TMEM132D: variants seen among roughly 807,000 people sequenced by gnomAD.
TMEM132D encodes the protein mature OL transmembrane protein.
In TMEM132D, 21 loss-of-function variants were observed where a neutral mutation model predicts 62.3. The observed-to-expected ratio is 0.34, with a 90% CI of 0.24 to 0.49. TMEM132D has a LOEUF of 0.49. Ranked by LOEUF, TMEM132D falls within the 20% of genes least tolerant of loss-of-function variation. The pLI, the probability that TMEM132D is intolerant of heterozygous loss-of-function variation, is 0.99. For missense variants in TMEM132D, 1,346 were observed against 1,402.8 expected, an observed-to-expected ratio of 0.96 and a Z score of 0.65; for synonymous variants, 621 against 575.6, an observed-to-expected ratio of 1.08 and a Z score of -1.13.
chr12:129,416,246 T>C (rs1481231054), intron 3 of TMEM132D, among the ~76,000 whole-genome samples: 1 of 152,226 alleles, frequency 6.6e-6, no homozygotes, highest in Non-Finnish European at 1.5e-5. Context: ...CAGTGGTTTG[T>C]AGTTCTCCTT....
At chr12:129,532,900 C>T (rs932193569) in intron 2 of TMEM132D, among the ~76,000 whole-genome samples, 1 of 152,140 alleles carries the variant, frequency 6.6e-6, no homozygotes, top group Non-Finnish European at 1.5e-5. Flanking sequence ...TTCCTGGGAG[C>T]GTGAGCCTGG....
intron 3 of TMEM132D, among the ~76,000 whole-genome samples, chr12:129,512,032 T>C (rs748889377): frequency 3.9e-5 from 6 of 152,184 alleles, no homozygotes; most frequent in African/African-American, 9.6e-5. Flanking sequence ...AATGTAGGCA[T>C]TTTTGTTCTT....
intron 4 of TMEM132D, among the ~76,000 whole-genome samples, chr12:129,229,213 C>T (rs141136148): frequency 4.6e-5 from 7 of 152,320 alleles, no homozygotes; most frequent in Non-Finnish European, 1.0e-4. Flanking sequence ...TTTAAAATAA[C>T]AAGCTACTCT....
intron 5 of TMEM132D, among the ~76,000 whole-genome samples, chr12:129,186,379 G>A (rs1489565221): frequency 1.3e-5 from 2 of 152,072 alleles, no homozygotes; most frequent in Non-Finnish European, 2.9e-5. Flanking sequence ...TCCCTCCCAG[G>A]CCCCCTGGTT....
chr12:129,233,589 G>A (rs1879704121), intron 4 of TMEM132D, among the ~76,000 whole-genome samples: 1 of 151,982 alleles, frequency 6.6e-6, no homozygotes, highest in Non-Finnish European at 1.5e-5. Flanking sequence ...ATCACAAACT[G>A]ATATTATTAA....
chr12:129,603,643 G>A (rs1030404568), intron 2 of TMEM132D, among the ~76,000 whole-genome samples: 6 of 152,264 alleles, frequency 3.9e-5, no homozygotes, highest in Admixed American at 2.0e-4. Context: ...CAGTTAGAAT[G>A]GCAATCATTA....
At chr12:129,777,602 CA>C (rs927800562) in intron 1 of TMEM132D, among the ~76,000 whole-genome samples, 2 of 152,136 alleles carry the variant, frequency 1.3e-5, no homozygotes, top group Admixed American at 6.5e-5. Context: ...GAAATATGAT[CA>C]GGGGTTTACT....
intron 4 of TMEM132D, among the ~76,000 whole-genome samples, chr12:129,268,211 G>T (rs1880748919): frequency 6.6e-6 from 1 of 152,178 alleles, no homozygotes; most frequent in African/African-American, 2.4e-5. Flanking sequence ...AAGAGCTTCT[G>T]CACAGCAAAA....
chr12:129,420,304 C>CTTTTTTTTTTTTTTT (rs1566063045), intron 3 of TMEM132D, among the ~76,000 whole-genome samples: 1 of 69,888 alleles, frequency 1.4e-5, no homozygotes, highest in African/African-American at 6.6e-5. Flanking sequence ...TGCACGTTCT[C>CTTTTTTTTTTTTTTT]TGTTTTTTTT....
chr12:129,763,003 T>C (rs1163854873), intron 1 of TMEM132D, among the ~76,000 whole-genome samples: 1 of 152,142 alleles, frequency 6.6e-6, no homozygotes, highest in African/African-American at 2.4e-5. Context: ...TTTTCTAATA[T>C]TTGCATGTAA....
At chr12:129,225,721 G>A (rs1423978956) in intron 4 of TMEM132D, among the ~76,000 whole-genome samples, 6 of 152,140 alleles carry the variant, frequency 3.9e-5, no homozygotes, top group Admixed American at 3.9e-4. Flanking sequence ...TGACTTACAT[G>A]GATTCAATTA....
intron 4 of TMEM132D, 88 bp from the exon 5 acceptor site, chr12:129,209,751 C>T: frequency 6.4e-7 from 1 of 1,555,962 alleles, no homozygotes; most frequent in Admixed American, 1.7e-5. Context: ...CCTCAGCCTC[C>T]CTGCAAACAG....
intron 1 of TMEM132D, among the ~76,000 whole-genome samples, chr12:129,775,015 AAATGTT>A (rs57456646): frequency 0.67 from 101,938 of 151,334 alleles, 36,772 homozygotes; most frequent in Middle Eastern, 0.86. Flanking sequence ...AGCACTGGGG[AAATGTT>A]AACCATTATT....
intron 4 of TMEM132D, among the ~76,000 whole-genome samples, chr12:129,318,597 T>G (rs963567930): frequency 6.6e-6 from 1 of 152,156 alleles, no homozygotes; most frequent in Admixed American, 6.5e-5. Flanking sequence ...GGCTGTTTAA[T>G]GCTCTATGTT....
intron 1 of TMEM132D, among the ~76,000 whole-genome samples, chr12:129,886,821 T>A (rs557337280): frequency 1.3e-5 from 2 of 152,160 alleles, no homozygotes; most frequent in Non-Finnish European, 2.9e-5. Context: ...ACCCCCATGC[T>A]GCTGTTCTCC....
At chr12:129,350,029 G>T (rs1168962218) in intron 3 of TMEM132D, among the ~76,000 whole-genome samples, 3 of 152,174 alleles carry the variant, frequency 2.0e-5, no homozygotes, top group African/African-American at 7.2e-5. Context: ...CAGAAATCTG[G>T]CTGTCTTTAT....
rs558922183 is a variant in TMEM132D at position 129,371,535 on chromosome 12, TATGATGATG to T, written c.1116-33727_1116-33719del. Among the ~76,000 whole-genome samples the T allele has an allele frequency of 2.0e-5, 3 of 150,906 alleles. No homozygotes were observed. Among genetic ancestry groups the T allele is most frequent in the East Asian group, 3.9e-4 (2 of 5,118 alleles). On this transcript the variant is annotated intron_variant, in intron 3 of 8. Transcript: ENST00000422113. This position sits in a 1 kb window ranked among gnomAD's most constrained non-coding sequence, Gnocchi z 4.3. Reference sequence around the variant, plus strand: ...TAATGGTGGTGATTATGATGATGATTATGATGATGATGATGATGATGGCGATGATGGTGA... The same window carrying T: ...TAATGGTGGTGATTATGATGATGATTATGATGATGATGGCGATGATGGTGA...
intron 1 of TMEM132D, among the ~76,000 whole-genome samples, chr12:129,836,002 T>C (rs1246005385): frequency 1.3e-5 from 2 of 152,208 alleles, no homozygotes; most frequent in Non-Finnish European, 2.9e-5. Context: ...ACTAAACATA[T>C]AACTGAAATG....
chr12:129,439,697 C>T (rs896188262), intron 3 of TMEM132D, among the ~76,000 whole-genome samples: 1 of 152,182 alleles, frequency 6.6e-6, no homozygotes, highest in Non-Finnish European at 1.5e-5. Flanking sequence ...GATCCACCTG[C>T]CTCGGCCTCC....
Sources: allele counts gnomAD v4.1 joint callset (sites outside exome capture counted in the v4.1 genomes callset), GRCh38; gene constraint gnomAD v4.1.1; non-coding constraint Gnocchi (gnomAD v3.1); transcripts MANE v1.5; gene names NCBI Gene and HGNC (gene_info 2026-07-23, HGNC 2026-07-21).